ALDH1L2: variants seen among roughly 807,000 people sequenced by gnomAD.
ALDH1L2 encodes the protein aldehyde dehydrogenase 1 family member L2.
Under a neutral mutation model 111.0 loss-of-function variants are expected in ALDH1L2, and 91 were observed. The observed-to-expected ratio is 0.82, with a 90% CI of 0.69 to 0.98. ALDH1L2 has a LOEUF of 0.98. ALDH1L2 is among the 50% of genes least tolerant of loss of function. ALDH1L2 has a pLI of 0.00. For synonymous variants in ALDH1L2, 374 were observed against 392.6 expected (o/e 0.95, Z 0.56); for missense variants, 995 against 1,126.8 (o/e 0.88, Z 1.67).
In ALDH1L2 at chr12:105,046,904, T is replaced by C. The variant is rs746284746; in HGVS notation, c.1752A>G (p.Pro584=). 7 of 1,614,044 alleles carry C rather than the reference T, an allele frequency of 4.3e-6. No individual in the cohort carries two copies. Among genetic ancestry groups the C allele is most frequent in the Non-Finnish European group, 5.9e-6 (7 of 1,179,924 alleles). ...AGGCACTCTCCTTATCTTACCCGAGTGGCTCTTTCTTGGTGAAGGTCAGAT... is the reference window on the plus strand; with the variant it reads ...AGGCACTCTCCTTATCTTACCCGAGCGGCTCTTTCTTGGTGAAGGTCAGAT... ...NRNLTFTKKE[P]LGVCAIIIPW... is the part of the protein sequence containing the mutation. Residue 584 remains proline (P), a synonymous_variant, in exon 14 of 23, where the codon CCA becomes CCG. Transcript: ENST00000258494.
At chr12:105,067,991 G>A (rs1877474275) in intron 4 of ALDH1L2, among the ~76,000 whole-genome samples, 2 of 152,110 alleles carry the variant, frequency 1.3e-5, no homozygotes, top group Non-Finnish European at 1.5e-5. Flanking sequence ...GAGGCTAAGC[G>A]ACTTGCCTGT....
rs769197104 is a variant in ALDH1L2 at position 105,034,323 on chromosome 12, G to T, written c.2221C>A (p.His741Asn). 1.2e-6 allele frequency: 2 copies of T among 1,613,736 alleles called. No homozygotes were observed. Among genetic ancestry groups the T allele is most frequent in the African/African-American group, 2.7e-5 (2 of 74,874 alleles). Reference sequence around the variant, plus strand: ...ACCACTCTTGTCACAAATTCGTCGTGGATGGATTCTTCCACGAACAACCGC... The same window carrying T: ...ACCACTCTTGTCACAAATTCGTCGTTGATGGATTCTTCCACGAACAACCGC... ...AGRLFVEESIHDEFVTRVVEE... is the reference protein window; with the variant it reads ...AGRLFVEESINDEFVTRVVEE... Residue 741 changes from histidine to asparagine, a missense_variant, in exon 19 of 23, where the codon CAC becomes AAC. Physicochemically the swap from His to Asn is moderately conservative, Grantham distance 68. Coordinates refer to ENST00000258494, the MANE Select transcript of ALDH1L2 (RefSeq NM_001034173.4).
At chr12:105,072,555 A>T (rs1877798916) in intron 2 of ALDH1L2, 1 of 152,242 alleles carries the variant, frequency 6.6e-6, no homozygotes, top group African/African-American at 2.4e-5. Flanking sequence ...CTTAACTCAT[A>T]TGTCAGATGA....
At chr12:105,065,920 A>C (rs1877327352) in intron 5 of ALDH1L2, among the ~76,000 whole-genome samples, 1 of 152,186 alleles carries the variant, frequency 6.6e-6, no homozygotes, top group African/African-American at 2.4e-5. Flanking sequence ...TACCTACTGC[A>C]TCTGTGTGTT....
In ALDH1L2 at chr12:105,084,442, A is replaced by G; in HGVS notation, c.-6T>C. On this transcript the variant is annotated 5_prime_UTR_variant, in exon 1 of 23. Coordinates refer to ENST00000258494, the MANE Select transcript of ALDH1L2 (RefSeq NM_001034173.4). ...TGGCTGCCCCGCCGCAGCATGCTGG[A>G]GAGGAGCGCTAGCACTGGCGACGCG... is the stretch of plus-strand genomic sequence containing the variant. The G allele has an allele frequency of 6.7e-7, 1 of 1,488,148 alleles. No individual in the cohort carries two copies. The highest frequency in any genetic ancestry group is 1.3e-5 in the South Asian group (1 of 79,254). The allele number at this position is 1,488,148 out of a possible 1,614,324, so 92.2% of individuals were successfully genotyped here.
chr12:105,071,607 A>G (rs2136105944), intron 2 of ALDH1L2, among the ~76,000 whole-genome samples: 1 of 105,290 alleles, frequency 9.5e-6, no homozygotes, highest in African/African-American at 3.7e-5. Context: ...AGTTTTATAT[A>G]TAAGTAGTAT....
intron 22 of ALDH1L2, among the ~76,000 whole-genome samples, chr12:105,025,497 CCTA>C (rs1874365278): frequency 6.6e-6 from 1 of 152,104 alleles, no homozygotes; most frequent in African/African-American, 2.4e-5. Context: ...AAGAAAGTCT[CCTA>C]CAGTGATTTG....
intron 15 of ALDH1L2, among the ~76,000 whole-genome samples, chr12:105,046,193 C>CTCTCTCTCTCTATA (rs1256472590): frequency 2.5e-4 from 5 of 20,184 alleles, no homozygotes; most frequent in African/African-American, 6.9e-4. Flanking sequence ...CTCTCTCTCT[C>CTCTCTCTCTCTATA]TATATATATA....
chr12:105,046,349 G>A (rs1372107879), intron 15 of ALDH1L2, among the ~76,000 whole-genome samples: 2 of 142,760 alleles, frequency 1.4e-5, no homozygotes, highest in Non-Finnish European at 3.0e-5. Context: ...TGACAATTAA[G>A]TTTGAATACC....
At chr12:105,041,864 C>A (rs893705065) in intron 15 of ALDH1L2, among the ~76,000 whole-genome samples, 2 of 130,618 alleles carry the variant, frequency 1.5e-5, no homozygotes, top group East Asian at 2.3e-4. Flanking sequence ...TTCTGACGTG[C>A]CCCTATTACT....
chr12:105,067,817 A>G (rs571523264), intron 4 of ALDH1L2, among the ~76,000 whole-genome samples: 1 of 152,304 alleles, frequency 6.6e-6, no homozygotes, highest in African/African-American at 2.4e-5. Flanking sequence ...GCTTCAGCAA[A>G]TATCACTGAA....
chr12:105,027,492 G>A (rs534673677), intron 21 of ALDH1L2, among the ~76,000 whole-genome samples: 22 of 152,192 alleles, frequency 1.4e-4, no homozygotes, highest in Non-Finnish European at 2.5e-4. Context: ...TGTCGAGGTG[G>A]GAGAGTAGGG....
chr12:105,061,682 T>A lies in ALDH1L2; in HGVS notation c.992A>T (p.Glu331Val). 1 of 1,614,194 alleles carries A rather than the reference T, an allele frequency of 6.2e-7. No individual in the cohort carries two copies. The highest frequency in any genetic ancestry group is 8.5e-7 in the Non-Finnish European group (1 of 1,180,040). ...IPASQYFSTG[E>V]TSVVELTAEE... ...AGCTGTCAGTTCTACCACTGACGTC[T>A]CACCCGTTGAAAAGTACTGAGAGGC... The change falls in exon 8 of 23, where the codon GAG (glutamate) becomes GTG (valine). Residue 331 changes from glutamate to valine, a missense_variant. Physicochemically the swap from Glu to Val is moderately radical, Grantham distance 121. Coordinates refer to ENST00000258494, the MANE Select transcript of ALDH1L2 (RefSeq NM_001034173.4).
chr12:105,084,006 C>T (rs1878460694), intron 1 of ALDH1L2, among the ~76,000 whole-genome samples: 1 of 152,122 alleles, frequency 6.6e-6, no homozygotes, highest in South Asian at 2.1e-4. Context: ...AGTCTCGGTT[C>T]CATATGGCTC....
At position 105,023,470 on chromosome 12, in the gene ALDH1L2, G is replaced by GT. The variant is rs1874257378; in HGVS notation, c.*953dup. On this transcript the variant is annotated 3_prime_UTR_variant, in exon 23 of 23. Coordinates refer to ENST00000258494, the MANE Select transcript of ALDH1L2 (RefSeq NM_001034173.4). Reference sequence around the variant, plus strand: ...GGGTTGTGGGAAATGAATTCATCTAGTTAATTAAACTATCTCAATATCTTT... The same window carrying GT: ...GGGTTGTGGGAAATGAATTCATCTAGTTTAATTAAACTATCTCAATATCTTT... 1 of 152,148 alleles carries GT rather than the reference G, an allele frequency of 6.6e-6. No homozygotes were observed. The highest frequency in any genetic ancestry group is 2.4e-5 in the African/African-American group (1 of 41,424). 9.4% of individuals were successfully genotyped at this position (152,148 alleles called of 1,614,324 possible).
intron 17 of ALDH1L2, 101 bp from the exon 18 acceptor site, chr12:105,038,303 C>G (rs565285928): frequency 1.5e-6 from 1 of 660,882 alleles, no homozygotes; most frequent in African/African-American, 1.8e-5. Context: ...CACACACACA[C>G]ACACACACAC....
At chr12:105,061,862 T>A (rs1877023114) in intron 7 of ALDH1L2, 110 bp from the exon 8 acceptor site, 10 of 1,304,476 alleles carry the variant, frequency 7.7e-6, no homozygotes, top group Non-Finnish European at 8.5e-6. Context: ...CAAGTTTATT[T>A]GGAAAAATAC....
intron 20 of ALDH1L2, among the ~76,000 whole-genome samples, chr12:105,031,226 A>G (rs756827703): frequency 2.4e-4 from 37 of 152,332 alleles, no homozygotes; most frequent in Non-Finnish European, 4.6e-4. Flanking sequence ...ATAATATGCA[A>G]CCTTCACCAC....
At position 105,021,606 on chromosome 12, in the gene ALDH1L2, T is replaced by A. The variant is rs1272613616; in HGVS notation, c.*2818A>T. On this transcript the variant is annotated 3_prime_UTR_variant, in exon 23 of 23. Coordinates refer to ENST00000258494, the MANE Select transcript of ALDH1L2 (RefSeq NM_001034173.4). ...TCTCAAAAAAAAAAAAAAGTAATAA[T>A]GGCTTAGGGGTAGAGGTAGTAAGAA... is the stretch of plus-strand genomic sequence containing the variant. 6.7e-6 allele frequency: 1 copy of A among 150,018 alleles called. No individual in the cohort carries two copies. The highest frequency in any genetic ancestry group is 1.5e-5 in the Non-Finnish European group (1 of 67,684). The allele number at this position is 150,018 out of a possible 1,614,324, so 9.3% of individuals were successfully genotyped here. A position where few individuals can be genotyped will look rare whatever the true frequency, so the allele number is the denominator to read the frequency against.
Sources: allele counts gnomAD v4.1 joint callset (sites outside exome capture counted in the v4.1 genomes callset), GRCh38; gene constraint gnomAD v4.1.1; transcripts MANE v1.5; gene names NCBI Gene and HGNC (gene_info 2026-07-23, HGNC 2026-07-21).